The following PVT1 variants were observed in gnomAD, a reference collection of about 807,000 sequenced individuals.
PVT1 encodes CXCR4/PVT1 fusion.
chr8:128,031,719 TATTA>T (rs143528143), intron 4 of PVT1, among the ~76,000 whole-genome samples: 8,014 of 152,290 alleles, frequency 0.053, 680 homozygotes, highest in African/African-American at 0.18. Flanking sequence ...CTGATTTTTA[TATTA>T]ATTCATTTAA....
intron 3 of PVT1, among the ~76,000 whole-genome samples, chr8:127,926,392 A>G (rs1256665194): frequency 6.6e-6 from 1 of 151,912 alleles, no homozygotes; most frequent in African/African-American, 2.4e-5. Context: ...GGCGGCTGCT[A>G]ATGTCCACTG....
chr8:127,875,262 G>C (rs1192027070), intron 2 of PVT1, among the ~76,000 whole-genome samples: 2 of 152,080 alleles, frequency 1.3e-5, no homozygotes, highest in African/African-American at 2.4e-5. Context: ...AGGGTACACA[G>C]AGGTGGCCTG....
At chr8:127,843,889 A>G (rs1242320260) in intron 2 of PVT1, among the ~76,000 whole-genome samples, 1 of 151,794 alleles carries the variant, frequency 6.6e-6, no homozygotes, top group East Asian at 1.9e-4. Context: ...ATGCCTTCCA[A>G]AGCTGCTAAG....
In PVT1 at chr8:127,812,603, G is replaced by GA. The variant is rs1259946831; in HGVS notation, n.372+16540dup. On this transcript the variant is annotated intron_variant and non_coding_transcript_variant, in intron 2 of 10. Transcript: ENST00000651587. ...AGGAGAGAGGGAGGGAAGGAAGGAAGAAAAAAAAGAAGGAAAGGGAGAGAG... is the reference window on the plus strand; with the variant it reads ...AGGAGAGAGGGAGGGAAGGAAGGAAGAAAAAAAAAGAAGGAAAGGGAGAGAG... 2.5e-4 allele frequency among the ~76,000 whole-genome samples: 31 copies of GA among 126,128 alleles called. No homozygotes were observed. In the East Asian group the frequency reaches 6.9e-3, roughly 28 times the overall value. 82.7% of individuals were successfully genotyped at this position (126,128 alleles called of 152,430 possible). A position where few individuals can be genotyped will look rare whatever the true frequency, so the allele number is the denominator to read the frequency against.
intron 4 of PVT1, among the ~76,000 whole-genome samples, chr8:128,015,422 A>T (rs1192953446): frequency 6.6e-6 from 1 of 152,124 alleles, no homozygotes; most frequent in Non-Finnish European, 1.5e-5. Context: ...GTAACTCTAG[A>T]TGACATAACA....
At chr8:127,866,208 G>A (rs1458563924) in intron 2 of PVT1, among the ~76,000 whole-genome samples, 1 of 152,154 alleles carries the variant, frequency 6.6e-6, no homozygotes, top group Non-Finnish European at 1.5e-5. Context: ...GATCATATCT[G>A]CTGGCTGTGT....
At chr8:127,848,913 G>A (rs1353191305) in intron 2 of PVT1, among the ~76,000 whole-genome samples, 1 of 152,174 alleles carries the variant, frequency 6.6e-6, no homozygotes, top group Non-Finnish European at 1.5e-5. Flanking sequence ...GGCCTAGAGA[G>A]GACTGAAGCC....
chr8:128,009,143 G>A (rs1817282384), intron 4 of PVT1, among the ~76,000 whole-genome samples: 1 of 152,090 alleles, frequency 6.6e-6, no homozygotes, highest in African/African-American at 2.4e-5. Flanking sequence ...TATATCATTA[G>A]CAGAAACATT....
At chr8:127,801,507 T>C (rs1563608928) in intron 2 of PVT1, among the ~76,000 whole-genome samples, 1 of 152,036 alleles carries the variant, frequency 6.6e-6, no homozygotes, top group African/African-American at 2.4e-5. Flanking sequence ...TCCCAAAGTG[T>C]TGGGATTACA....
At chr8:127,968,689 G>A (rs758802570) in intron 3 of PVT1, among the ~76,000 whole-genome samples, 2 of 152,218 alleles carry the variant, frequency 1.3e-5, no homozygotes, top group Non-Finnish European at 2.9e-5. Context: ...GCCCTTGAAC[G>A]TGACCTTAGT....
intron 3 of PVT1, among the ~76,000 whole-genome samples, chr8:127,936,939 C>T (rs1420042565): frequency 6.6e-6 from 1 of 152,244 alleles, no homozygotes; most frequent in Non-Finnish European, 1.5e-5. Flanking sequence ...TGAAGCATAA[C>T]TGTGTATGTT....
At position 127,998,535 on chromosome 8, in the gene PVT1, TTCTCTC is replaced by T. The variant is rs34462486; in HGVS notation, n.912+9262_912+9267del. On this transcript the variant is annotated intron_variant and non_coding_transcript_variant, in intron 4 of 10. Transcript: ENST00000651587. The stretch of plus-strand genomic sequence containing the variant: ...TTCTTCCTTTTCTTTCCTTCTTTCT[TTCTCTC>T]TCTCTCTCTCTCTCTCTTCCTTCCT... Among the ~76,000 whole-genome samples, 877 of 143,518 alleles carry T rather than the reference TTCTCTC, an allele frequency of 6.1e-3. 4 individuals carry two copies. Among genetic ancestry groups the T allele is most frequent in the Non-Finnish European group, 0.01 (659 of 65,788 alleles). 94.2% of individuals were successfully genotyped at this position (143,518 alleles called of 152,430 possible).
chr8:127,817,393 TATATATTAAATA>T (rs1370199755), intron 2 of PVT1, among the ~76,000 whole-genome samples: 151 of 132,406 alleles, frequency 1.1e-3, no homozygotes, highest in African/African-American at 4.2e-3. Flanking sequence ...ATCTATTTAA[TATATATTAAATA>T]ATATATATTT....
chr8:127,916,277 A>G (rs746230913), intron 3 of PVT1, among the ~76,000 whole-genome samples: 1 of 152,224 alleles, frequency 6.6e-6, no homozygotes, highest in Non-Finnish European at 1.5e-5. Flanking sequence ...AGTGATGTGC[A>G]TGATGGTTAT....
At chr8:127,811,776 T>C (rs559707446) in intron 2 of PVT1, among the ~76,000 whole-genome samples, 2 of 152,288 alleles carry the variant, frequency 1.3e-5, no homozygotes, top group Non-Finnish European at 1.5e-5. Context: ...TCTGGCCGGT[T>C]AACACAGGGC....
chr8:128,062,120 T>A (rs1160537127), intron 4 of PVT1, among the ~76,000 whole-genome samples: 3 of 152,154 alleles, frequency 2.0e-5, no homozygotes, highest in Non-Finnish European at 2.9e-5. Context: ...AAGGAGGCTA[T>A]TTTTCACTCT....
chr8:127,978,981 A>AC (rs1742724127), intron 3 of PVT1, among the ~76,000 whole-genome samples: 1 of 152,118 alleles, frequency 6.6e-6, no homozygotes, highest in African/African-American at 2.4e-5. Context: ...GCCTCAAGTG[A>AC]CCCTTCCGCC....
chr8:128,065,454 G>T (rs1206188427), intron 4 of PVT1, among the ~76,000 whole-genome samples: 1 of 152,172 alleles, frequency 6.6e-6, no homozygotes, highest in Non-Finnish European at 1.5e-5. Flanking sequence ...CCAAAATGCT[G>T]GGGTTGCAGG....
intron 4 of PVT1, among the ~76,000 whole-genome samples, chr8:128,055,548 T>A (rs1465870258): frequency 6.6e-6 from 1 of 152,268 alleles, no homozygotes; most frequent in Non-Finnish European, 1.5e-5. Context: ...GCCATGTAGC[T>A]GCATGAATCA....
Sources: allele counts gnomAD v4.1 joint callset (sites outside exome capture counted in the v4.1 genomes callset), GRCh38; gene constraint gnomAD v4.1.1; transcripts MANE v1.5; gene names NCBI Gene and HGNC (gene_info 2026-07-23, HGNC 2026-07-21).